Variants in SNRPN observed in about 807,000 individuals in gnomAD.
SNRPN encodes the protein small nuclear ribonucleoprotein-associated protein N.
SNRPN carries 7 observed loss-of-function variants against 25.2 expected under a neutral mutation model. That is an observed-to-expected ratio of 0.28 (90% CI 0.16 to 0.52). SNRPN has a LOEUF of 0.52. Ranked by LOEUF, SNRPN falls within the 20% of genes least tolerant of loss-of-function variation. SNRPN has a pLI of 0.96. For synonymous variants in SNRPN, 124 were observed against 110.6 expected, an observed-to-expected ratio of 1.12 and a Z score of -0.76; for missense variants, 196 against 322.5, an observed-to-expected ratio of 0.61 and a Z score of 3.00.
At chr15:24,927,520 C>CTTTTTTTTTTTTTT (rs2060497188) in intron 3 of SNRPN, among the ~76,000 whole-genome samples, 40 of 73,708 alleles carry the variant, frequency 5.4e-4, no homozygotes, top group East Asian at 1.4e-3. Context: ...TTTTTTTTTA[C>CTTTTTTTTTTTTTT]TTTTGACCAC....
At chr15:24,954,824 G>A, upstream of SNRPN, 1 of 617,874 alleles carries the variant, frequency 1.6e-6, no homozygotes, top group Admixed American at 2.9e-5. Context: ...TGGGGCCCTA[G>A]GGGTCCAGTA....
intron 1 of SNRPN, among the ~76,000 whole-genome samples, chr15:24,859,708 A>G (rs2053808447): frequency 6.6e-6 from 1 of 152,200 alleles, no homozygotes; most frequent in Non-Finnish European, 1.5e-5. Flanking sequence ...CAGAAAAAGA[A>G]TGGTTACTCC....
intron 2 of SNRPN, among the ~76,000 whole-genome samples, chr15:24,917,003 C>G (rs2059570831): frequency 6.6e-6 from 1 of 152,186 alleles, no homozygotes; most frequent in South Asian, 2.1e-4. Context: ...CCACCCATAT[C>G]CTGCTGATTG....
intron 3 of SNRPN, among the ~76,000 whole-genome samples, chr15:24,931,872 T>G (rs1383948847): frequency 7.8e-6 from 1 of 128,912 alleles, no homozygotes; most frequent in Admixed American, 7.8e-5. Flanking sequence ...AAAAAAAGAC[T>G]TTGCTTCACC....
intron 3 of SNRPN, among the ~76,000 whole-genome samples, chr15:24,930,769 A>T (rs539736488): frequency 6.6e-6 from 1 of 151,820 alleles, no homozygotes; most frequent in East Asian, 1.9e-4. Context: ...CATGGTGGTG[A>T]GCATCTGTAA....
chr15:24,978,477 C>T lies in SNRPN; in HGVS notation c.*33C>T, dbSNP rs374839284. The T allele has an allele frequency of 6.9e-6, 11 of 1,593,894 alleles. No individual in the cohort carries two copies. The African/African-American group carries it at 1.3e-4, about 19-fold the overall frequency. On this transcript the variant is annotated 3_prime_UTR_variant, in exon 10 of 10. Coordinates refer to ENST00000390687, the MANE Select transcript of SNRPN (RefSeq NM_003097.6). ...TTGATCCATCTCAGTCACTTTTTCC[C>T]CTGCAATGCGTCTTGTGAAATTGTG... is the stretch of plus-strand genomic sequence containing the variant.
intron 2 of SNRPN, chr15:24,909,726 G>A (rs978619750): frequency 6.4e-6 from 8 of 1,249,976 alleles, no homozygotes; most frequent in East Asian, 4.6e-5. Flanking sequence ...AAGCGTTTCC[G>A]AGTATCGTAA....
chr15:24,862,613 T>C (rs1170286062), intron 1 of SNRPN, among the ~76,000 whole-genome samples: 2 of 150,994 alleles, frequency 1.3e-5, no homozygotes, highest in East Asian at 1.9e-4. Context: ...GGGAACAACA[T>C]AGACAAAGTT....
chr15:24,857,962 G>A (rs1409827764), intron 1 of SNRPN, among the ~76,000 whole-genome samples: 1 of 152,058 alleles, frequency 6.6e-6, no homozygotes, highest in Admixed American at 6.6e-5. Flanking sequence ...GTCCTCTTGC[G>A]CTGAGTCAGT....
intron 2 of SNRPN, among the ~76,000 whole-genome samples, chr15:24,915,072 G>T (rs1006281690): frequency 3.3e-5 from 5 of 151,878 alleles, no homozygotes; most frequent in African/African-American, 1.2e-4. Flanking sequence ...AGATGAACCT[G>T]ATCAGATATC....
At chr15:24,962,912 TTAATTA>T (rs953227040) in intron 2 of SNRPN, among the ~76,000 whole-genome samples, 2 of 152,220 alleles carry the variant, frequency 1.3e-5, no homozygotes, top group African/African-American at 4.8e-5. Flanking sequence ...ATTGTTTTTT[TTAATTA>T]TAAGTATTAA....
intron 2 of SNRPN, among the ~76,000 whole-genome samples, chr15:24,839,177 C>T (rs931902141): frequency 3.9e-5 from 6 of 151,962 alleles, no homozygotes; most frequent in African/African-American, 7.3e-5. Context: ...GCCTCCTGAG[C>T]AGGCCTTCTT....
chr15:24,972,101 C>T (rs899794331), intron 3 of SNRPN, among the ~76,000 whole-genome samples: 1 of 151,808 alleles, frequency 6.6e-6, no homozygotes, highest in East Asian at 1.9e-4. Context: ...GCTAAAAATA[C>T]AAAAATTAGC....
At position 24,898,870 on chromosome 15, in the gene SNRPN, C is replaced by T. The variant is rs569916700; in HGVS notation, c.-505+12281C>T. Reference sequence around the variant, plus strand: ...GGGGCCAATGCTAGTATGGAGGCTGCGAAGGCCCCAAGCTCTGGGACCCCA... The same window carrying T: ...GGGGCCAATGCTAGTATGGAGGCTGTGAAGGCCCCAAGCTCTGGGACCCCA... On this transcript the variant is annotated intron_variant, in intron 2 of 11. Transcript: ENST00000400097. Among the ~76,000 whole-genome samples the T allele has an allele frequency of 9.2e-5, 14 of 152,168 alleles. No homozygotes were observed. The South Asian group carries it at 1.0e-3, about 11-fold the overall frequency.
chr15:24,976,154 G>T (rs561141648), intron 5 of SNRPN, 151 bp from the exon 6 acceptor site: 1 of 656,508 alleles, frequency 1.5e-6, no homozygotes, highest in Admixed American at 2.6e-5. Context: ...TATTAACTGT[G>T]TTTACAGATA....
chr15:24,969,219 C>A (rs989498881), intron 3 of SNRPN, among the ~76,000 whole-genome samples: 1 of 152,104 alleles, frequency 6.6e-6, no homozygotes, highest in East Asian at 1.9e-4. Context: ...ACCTCTGCCT[C>A]CCAGGTTCAA....
rs752739804 is a variant in SNRPN at position 24,977,765 on chromosome 15, C to G, written c.421-13C>G. On this transcript the variant is annotated splice_polypyrimidine_tract_variant and intron_variant, in intron 7 of 9. Coordinates refer to ENST00000390687, the MANE Select transcript of SNRPN (RefSeq NM_003097.6). ...TTGCATCGCTTTGACTGTTTCCCGCCCTGCCTTCTCAGGTAATGACTCCAC... is the reference window on the plus strand; with the variant it reads ...TTGCATCGCTTTGACTGTTTCCCGCGCTGCCTTCTCAGGTAATGACTCCAC... The G allele has an allele frequency of 6.3e-7, 1 of 1,581,174 alleles. No individual in the cohort carries two copies. Among genetic ancestry groups the G allele is most frequent in the Non-Finnish European group, 8.6e-7 (1 of 1,166,674 alleles).
At chr15:24,904,246 A>G (rs1206315558) in intron 2 of SNRPN, among the ~76,000 whole-genome samples, 1 of 152,202 alleles carries the variant, frequency 6.6e-6, no homozygotes, top group African/African-American at 2.4e-5. Flanking sequence ...CACTTTTAAT[A>G]CCACATACTA....
At chr15:24,926,972 C>A (rs1400930269) in intron 3 of SNRPN, among the ~76,000 whole-genome samples, 1 of 152,134 alleles carries the variant, frequency 6.6e-6, no homozygotes, top group Admixed American at 6.6e-5. Context: ...GATCACACCA[C>A]TGCACTCCAG....
Sources: gnomAD v4.1 joint callset for allele counts (sites outside exome capture counted in the v4.1 genomes callset) on GRCh38, gnomAD v4.1.1 for gene constraint, MANE v1.5 for transcripts, NCBI Gene and HGNC (gene_info 2026-07-23, HGNC 2026-07-21) for gene names.